Variants in MITF observed in about 807,000 individuals in gnomAD.
MITF encodes the protein melanocyte inducing transcription factor.
Under a neutral mutation model 60.5 loss-of-function variants are expected in MITF, and 17 were observed. The ratio of observed to expected loss-of-function variants is 0.28; its 90% CI spans 0.19 to 0.42. The LOEUF is 0.42. Ranked by LOEUF, MITF falls within the 10% of genes least tolerant of loss-of-function variation. The probability of loss-of-function intolerance (pLI) is 1.00; values close to 1 mark genes in which losing one functional copy is unlikely to be tolerated. For synonymous variants in MITF, 260 were observed against 248.5 expected, an observed-to-expected ratio of 1.05 and a Z score of -0.43; for missense variants, 622 against 683.5, an observed-to-expected ratio of 0.91 and a Z score of 1.00.
At chr3:69,959,542 A>T in intron 9 of MITF, 122 bp downstream of exon 9, 6 of 1,256,946 alleles carry the variant, frequency 4.8e-6, no homozygotes, top group Non-Finnish European at 6.8e-6. Flanking sequence ...AATCCTTATT[A>T]TTTGTGGATT....
chr3:69,766,861 C>T (rs1010184345), intron 1 of MITF, among the ~76,000 whole-genome samples: 5 of 152,136 alleles, frequency 3.3e-5, no homozygotes, highest in Non-Finnish European at 7.3e-5. Context: ...CATGACTCAC[C>T]GTAGATACAA....
chr3:69,775,616 T>C (rs2062461609), intron 1 of MITF, among the ~76,000 whole-genome samples: 1 of 152,230 alleles, frequency 6.6e-6, no homozygotes, highest in Non-Finnish European at 1.5e-5. Flanking sequence ...CTTAATTCTG[T>C]TTCCAGAAAT....
At chr3:69,918,461 T>C (rs1191179149) in intron 2 of MITF, among the ~76,000 whole-genome samples, 1 of 152,192 alleles carries the variant, frequency 6.6e-6, no homozygotes, top group Non-Finnish European at 1.5e-5. Flanking sequence ...GTATGTTCCT[T>C]TTTGTGACAA....
chr3:69,954,266 G>A (rs2066342531), intron 7 of MITF, among the ~76,000 whole-genome samples: 1 of 152,196 alleles, frequency 6.6e-6, no homozygotes, highest in Non-Finnish European at 1.5e-5. Context: ...TTTGTTGAGA[G>A]CGTACTATGT....
At chr3:69,812,298 G>GA (rs919162039) in intron 1 of MITF, among the ~76,000 whole-genome samples, 25 of 149,968 alleles carry the variant, frequency 1.7e-4, no homozygotes, top group Admixed American at 6.0e-4. Context: ...CTGGGGTAAT[G>GA]AAAAAAAAAT....
intron 6 of MITF, among the ~76,000 whole-genome samples, chr3:69,950,316 A>AAAC (rs918326088): frequency 1.8e-4 from 27 of 151,652 alleles, no homozygotes; most frequent in Middle Eastern, 3.4e-3. Context: ...AAACAAAACA[A>AAAC]AACAACAACA....
At chr3:69,887,543 T>G (rs1315113949) in intron 2 of MITF, among the ~76,000 whole-genome samples, 1 of 152,114 alleles carries the variant, frequency 6.6e-6, no homozygotes, top group African/African-American at 2.4e-5. Flanking sequence ...ATCTTATTTA[T>G]AAATTTAGAT....
chr3:69,917,656 C>G (rs2065366136), intron 2 of MITF, among the ~76,000 whole-genome samples: 1 of 151,912 alleles, frequency 6.6e-6, no homozygotes, highest in Non-Finnish European at 1.5e-5. Flanking sequence ...AATTGGGATC[C>G]TACAACATGT....
rs113009948 is a variant in MITF at position 69,898,863 on chromosome 3, C to T, written c.354+19480C>T. ...GAGGAAATGGAAACAAGCATTTATTCATTCATTTACCCAACAAGTAGTTAT... is the reference window on the plus strand; with the variant it reads ...GAGGAAATGGAAACAAGCATTTATTTATTCATTTACCCAACAAGTAGTTAT... On this transcript the variant is annotated intron_variant, in intron 2 of 9. Transcript: ENST00000352241. Among the ~76,000 whole-genome samples, 1,156 of 152,220 alleles carry T rather than the reference C, an allele frequency of 7.6e-3. 9 individuals are homozygous for T. The highest frequency in any genetic ancestry group is 0.026 in the African/African-American group (1,083 of 41,530).
At chr3:69,883,091 C>CT (rs2064526520) in intron 2 of MITF, among the ~76,000 whole-genome samples, 2 of 152,082 alleles carry the variant, frequency 1.3e-5, no homozygotes, top group South Asian at 4.1e-4. Context: ...TTTTTCTGTT[C>CT]TGCTTAAGGG....
chr3:69,877,788 G>T (rs2064388742), intron 1 of MITF, among the ~76,000 whole-genome samples: 1 of 152,078 alleles, frequency 6.6e-6, no homozygotes, highest in Non-Finnish European at 1.5e-5. Flanking sequence ...GATATTTAAG[G>T]CTTCATTTTG....
chr3:69,847,906 A>G (rs1351898475), intron 1 of MITF, among the ~76,000 whole-genome samples: 2 of 152,206 alleles, frequency 1.3e-5, no homozygotes, highest in Non-Finnish European at 2.9e-5. Context: ...CATGTTCCCA[A>G]TCCCACATGC....
chr3:69,916,625 A>G (rs2065340745), intron 2 of MITF, among the ~76,000 whole-genome samples: 1 of 152,084 alleles, frequency 6.6e-6, no homozygotes, highest in African/African-American at 2.4e-5. Context: ...TTTTAATTTA[A>G]TACTAGGAAA....
At chr3:69,827,278 G>A (rs925825729) in intron 1 of MITF, among the ~76,000 whole-genome samples, 4 of 152,208 alleles carry the variant, frequency 2.6e-5, no homozygotes, top group Non-Finnish European at 4.4e-5. Context: ...AGATGTGGAT[G>A]TGCAGTGAGA....
intron 7 of MITF, among the ~76,000 whole-genome samples, chr3:69,953,027 GT>G (rs1183232357): frequency 6.6e-6 from 1 of 152,052 alleles, no homozygotes; most frequent in Non-Finnish European, 1.5e-5. Context: ...AAGAAAGTTT[GT>G]TTCTCTAGGT....
intron 1 of MITF, among the ~76,000 whole-genome samples, chr3:69,807,363 T>C (rs1008420926): frequency 6.6e-6 from 1 of 152,214 alleles, no homozygotes; most frequent in Non-Finnish European, 1.5e-5. Flanking sequence ...GAACTATAGT[T>C]ACAAAATAGT....
intron 1 of MITF, among the ~76,000 whole-genome samples, chr3:69,803,197 A>C (rs1354656811): frequency 6.6e-6 from 1 of 152,190 alleles, no homozygotes; most frequent in Non-Finnish European, 1.5e-5. Context: ...ACAAAAGTCC[A>C]GTTTATGAAG....
intron 2 of MITF, among the ~76,000 whole-genome samples, chr3:69,927,352 C>T (rs1239180652): frequency 1.3e-5 from 2 of 152,026 alleles, no homozygotes; most frequent in Admixed American, 6.6e-5. Context: ...GGGAACATCA[C>T]ACACCGGAGC....
intron 2 of MITF, among the ~76,000 whole-genome samples, chr3:69,913,981 T>C (rs959336907): frequency 1.3e-5 from 2 of 152,248 alleles, no homozygotes; most frequent in Non-Finnish European, 2.9e-5. Flanking sequence ...ATGCTTATTC[T>C]CAGTAGAAGT....
Sources: allele counts gnomAD v4.1 joint callset (sites outside exome capture counted in the v4.1 genomes callset), GRCh38; gene constraint gnomAD v4.1.1; transcripts MANE v1.5; gene names NCBI Gene and HGNC (gene_info 2026-07-23, HGNC 2026-07-21).